GRHL2: variants seen among roughly 807,000 people sequenced by gnomAD.
The protein encoded by GRHL2 is grainyhead like transcription factor 2.
GRHL2 carries 21 observed loss-of-function variants against 83.8 expected under a neutral mutation model. The ratio of observed to expected loss-of-function variants is 0.25; its 90% CI spans 0.18 to 0.36. The LOEUF (loss-of-function observed/expected upper bound fraction) is 0.36, where lower values mean the gene tolerates loss of function less well. GRHL2 is among the 10% of genes least tolerant of loss of function. The pLI, the probability that GRHL2 is intolerant of heterozygous loss-of-function variation, is 1.00. For missense variants in GRHL2, 623 were observed against 781.8 expected, an observed-to-expected ratio of 0.80 and a Z score of 2.42; for synonymous variants, 280 against 278.9, an observed-to-expected ratio of 1.00 and a Z score of -0.04.
At chr8:101,496,468 C>T (rs1371654641) in intron 1 of GRHL2, among the ~76,000 whole-genome samples, 2 of 151,996 alleles carry the variant, frequency 1.3e-5, no homozygotes, top group Non-Finnish European at 2.9e-5. Flanking sequence ...TACCCATTCA[C>T]TTTTTGAAAG....
intron 8 of GRHL2, among the ~76,000 whole-genome samples, chr8:101,619,230 G>A (rs917404660): frequency 2.0e-5 from 3 of 152,102 alleles, no homozygotes; most frequent in Admixed American, 6.6e-5. Context: ...TCCAGCCTGG[G>A]CGACAGAGTG....
At chr8:101,528,391 G>A (rs991830075) in intron 1 of GRHL2, among the ~76,000 whole-genome samples, 2 of 150,800 alleles carry the variant, frequency 1.3e-5, no homozygotes, top group African/African-American at 4.9e-5. Context: ...TTGTGTTGTA[G>A]GTGCAGTAGC....
chr8:101,612,625 A>G (rs953530194), intron 8 of GRHL2, among the ~76,000 whole-genome samples: 18 of 151,046 alleles, frequency 1.2e-4, no homozygotes, highest in Admixed American at 9.8e-4. Flanking sequence ...TTGATAGATA[A>G]CATCCAGTCA....
intron 4 of GRHL2, among the ~76,000 whole-genome samples, chr8:101,568,504 G>C (rs1295694263): frequency 2.6e-5 from 4 of 151,944 alleles, no homozygotes; most frequent in Non-Finnish European, 4.4e-5. Flanking sequence ...GTAATGCCCA[G>C]TCCATGCTTT....
At chr8:101,503,443 T>A (rs1810272849) in intron 1 of GRHL2, among the ~76,000 whole-genome samples, 1 of 152,220 alleles carries the variant, frequency 6.6e-6, no homozygotes, top group South Asian at 2.1e-4. Flanking sequence ...ACAGAGATAT[T>A]CTAAGTTTCT....
intron 7 of GRHL2, among the ~76,000 whole-genome samples, chr8:101,593,393 T>C (rs1156950133): frequency 6.6e-6 from 1 of 152,250 alleles, no homozygotes; most frequent in Non-Finnish European, 1.5e-5. Context: ...ATTTAAAATA[T>C]GTAGTTTTTA....
intron 1 of GRHL2, among the ~76,000 whole-genome samples, chr8:101,493,571 C>A (rs1436654694): frequency 2.0e-5 from 3 of 152,142 alleles, no homozygotes; most frequent in Non-Finnish European, 4.4e-5. Context: ...CGCGAAGGGG[C>A]GCCTGCCACT....
chr8:101,528,832 C>CT (rs762262366), intron 1 of GRHL2: 2 of 349,266 alleles, frequency 5.7e-6, no homozygotes, highest in Non-Finnish European at 1.1e-5. Context: ...CAAACCAAAT[C>CT]TTTGAGCTCT....
chr8:101,509,225 G>T (rs1175796772), intron 1 of GRHL2, among the ~76,000 whole-genome samples: 1 of 78,208 alleles, frequency 1.3e-5, no homozygotes, highest in Non-Finnish European at 3.2e-5. Context: ...GTGTGTGTGT[G>T]TGTGTGTGTG....
Position 101,577,091 on chromosome 8 carries a change from G to C in GRHL2, c.892-317G>C, listed in dbSNP as rs141410225. 1.8e-3 allele frequency among the ~76,000 whole-genome samples: 277 copies of C among 152,144 alleles called. 1 individual carries two copies. Among genetic ancestry groups the C allele is most frequent in the Non-Finnish European group, 3.3e-3 (223 of 68,002 alleles). On this transcript the variant is annotated intron_variant, in intron 6 of 15. Coordinates refer to ENST00000646743, the MANE Select transcript of GRHL2 (RefSeq NM_024915.4). ...AATACAAGAAAAAAAAATTTGGGGG[G>C]GGTTTCTGCTGACCTCACAAAATAA...
intron 12 of GRHL2, among the ~76,000 whole-genome samples, chr8:101,639,498 C>T (rs578077264): frequency 2.6e-5 from 4 of 152,228 alleles, no homozygotes; most frequent in Non-Finnish European, 4.4e-5. Flanking sequence ...CAAAGACACA[C>T]AGCTGGTAAG....
At chr8:101,529,097 T>C (rs1810866353) in intron 1 of GRHL2, 1 of 384,518 alleles carries the variant, frequency 2.6e-6, no homozygotes, top group Admixed American at 3.3e-5. Flanking sequence ...GGGATTTCTA[T>C]GGGGCTTTGT....
intron 2 of GRHL2, among the ~76,000 whole-genome samples, chr8:101,551,924 C>T (rs1811388141): frequency 6.6e-6 from 1 of 151,438 alleles, no homozygotes; most frequent in African/African-American, 2.4e-5. Flanking sequence ...CAAGCTCCGC[C>T]TCCCAGGTTC....
At chr8:101,584,793 G>A (rs1170709485) in intron 7 of GRHL2, among the ~76,000 whole-genome samples, 1 of 151,816 alleles carries the variant, frequency 6.6e-6, no homozygotes, top group Non-Finnish European at 1.5e-5. Flanking sequence ...GTAGCCAGGT[G>A]GCTAGGTGGT....
intron 14 of GRHL2, among the ~76,000 whole-genome samples, chr8:101,654,693 G>A (rs2129725495): frequency 6.6e-6 from 1 of 152,316 alleles, no homozygotes; most frequent in Non-Finnish European, 1.5e-5. Flanking sequence ...TGAGTCAGAA[G>A]GTGTCACATC....
the GRHL2 span, among the ~76,000 whole-genome samples, chr8:101,676,156 A>T: frequency 6.6e-6 from 1 of 151,810 alleles, no homozygotes; most frequent in Non-Finnish European, 1.5e-5. Flanking sequence ...ATGGGCAAGG[A>T]CTTCATGTCT....
At chr8:101,597,789 C>T (rs1383081342) in intron 7 of GRHL2, among the ~76,000 whole-genome samples, 2 of 151,280 alleles carry the variant, frequency 1.3e-5, no homozygotes, top group African/African-American at 2.4e-5. Context: ...ATGTAACAAA[C>T]CTGCACATTG....
At chr8:101,678,090 G>A in the GRHL2 span, among the ~76,000 whole-genome samples, 6 of 152,220 alleles carry the variant, frequency 3.9e-5, no homozygotes, top group African/African-American at 9.6e-5. Flanking sequence ...AAGGAGGTCC[G>A]GAATAGGAAC....
intron 9 of GRHL2, among the ~76,000 whole-genome samples, chr8:101,620,408 T>A (rs1335842834): frequency 6.6e-6 from 1 of 152,206 alleles, no homozygotes; most frequent in East Asian, 1.9e-4. Context: ...CCAGAGCATA[T>A]CAGGGCATCC....
Sources: allele counts gnomAD v4.1 joint callset (sites outside exome capture counted in the v4.1 genomes callset), GRCh38; gene constraint gnomAD v4.1.1; transcripts MANE v1.5; gene names NCBI Gene and HGNC (gene_info 2026-07-23, HGNC 2026-07-21).